Variants in PDE4DIP observed in about 807,000 individuals in gnomAD.
PDE4DIP encodes the protein myomegalin.
PDE4DIP carries 59 observed loss-of-function variants against 221.4 expected under a neutral mutation model. The observed-to-expected ratio is 0.27, with a 90% CI of 0.22 to 0.33. The LOEUF (loss-of-function observed/expected upper bound fraction) is 0.33. Among genes scored for constraint, PDE4DIP ranks in the 10% least tolerant of loss-of-function variants. The pLI is 1.00. For synonymous variants in PDE4DIP, 404 were observed against 815.9 expected (o/e 0.50, Z 8.60); for missense variants, 1,036 against 2,154.2 (o/e 0.48, Z 10.28).
At chr1:148,893,065 CTGTGTGTGTGTGTGTG>C (rs60364665) in intron 1 of PDE4DIP, among the ~76,000 whole-genome samples, 3 of 77,734 alleles carry the variant, frequency 3.9e-5, no homozygotes, top group African/African-American at 1.2e-4. Flanking sequence ...ATGTGTGTGT[CTGTGTGTGTGTGTGTG>C]TGTGTGTGTG....
chr1:148,944,741 C>T (rs587747777), intron 5 of PDE4DIP, among the ~76,000 whole-genome samples: 26 of 151,572 alleles, frequency 1.7e-4, no homozygotes, highest in South Asian at 1.0e-3. Flanking sequence ...TGTGGTGACG[C>T]GTGCCTGTAA....
At chr1:148,984,761 CT>C (rs1391669679) in intron 21 of PDE4DIP, 1 of 152,106 alleles carries the variant, frequency 6.6e-6, no homozygotes, top group Non-Finnish European at 1.5e-5. Context: ...CCTAAAGTCA[CT>C]TTCCTTTGGA....
At chr1:148,983,654 G>A (rs1574851138) in intron 21 of PDE4DIP, 1 of 152,330 alleles carries the variant, frequency 6.6e-6, no homozygotes, top group Admixed American at 6.6e-5. Flanking sequence ...ATAATATTTA[G>A]CATGATATAA....
intron 35 of PDE4DIP, among the ~76,000 whole-genome samples, chr1:149,019,926 G>C (rs1199883619): frequency 6.6e-6 from 1 of 152,042 alleles, no homozygotes; most frequent in Non-Finnish European, 1.5e-5. Context: ...TAAGAGCAAG[G>C]TAGGACAGAT....
At chr1:149,005,483 A>T in intron 27 of PDE4DIP, 46 bp downstream of exon 30, 4 of 1,318,176 alleles carry the variant, frequency 3.0e-6, no homozygotes, top group Non-Finnish European at 4.2e-6. Flanking sequence ...AAAATGTGTA[A>T]GTTCATGCTT....
intron 1 of PDE4DIP, among the ~76,000 whole-genome samples, chr1:148,815,242 G>C (rs1175793262): frequency 1.5e-5 from 2 of 130,898 alleles, no homozygotes; most frequent in Non-Finnish European, 3.3e-5. Context: ...GACCATCATT[G>C]CATAAATGAA....
chr1:148,911,982 A>C (rs616359), intron 1 of PDE4DIP, among the ~76,000 whole-genome samples: 1 of 144,492 alleles, frequency 6.9e-6, no homozygotes, highest in Non-Finnish European at 1.5e-5. Flanking sequence ...TTGGTTAGAA[A>C]TAAGTCGCAG....
At chr1:148,987,575 T>G (rs1553551419) in intron 21 of PDE4DIP, among the ~76,000 whole-genome samples, 1 of 152,212 alleles carries the variant, frequency 6.6e-6, no homozygotes, top group Non-Finnish European at 1.5e-5. Flanking sequence ...AACTTATTCA[T>G]GCTTAAAGTT....
chr1:149,005,383 A>C (rs1553595529), exon 27 of PDE4DIP: 1 of 1,612,630 alleles, frequency 6.2e-7, no homozygotes, highest in Admixed American at 1.7e-5. Context: ...CAGCTCCCAA[A>C]AAATGGACTA....
At chr1:148,917,105 G>A (rs2044261309) in intron 1 of PDE4DIP, among the ~76,000 whole-genome samples, 1 of 149,158 alleles carries the variant, frequency 6.7e-6, no homozygotes, top group Non-Finnish European at 1.5e-5. Flanking sequence ...GGAATGTCCT[G>A]GGGAGGGGAG....
intron 43 of PDE4DIP, 113 bp downstream of exon 46, chr1:149,030,391 C>G: frequency 6.5e-7 from 1 of 1,527,112 alleles, no homozygotes; most frequent in Non-Finnish European, 8.8e-7. Flanking sequence ...CAGGAGAAGA[C>G]TTGGGGTCCA....
chr1:148,987,494 C>G (rs1559164352), intron 21 of PDE4DIP, among the ~76,000 whole-genome samples: 1 of 152,126 alleles, frequency 6.6e-6, no homozygotes, highest in Non-Finnish European at 1.5e-5. Context: ...ACCTGGGAGT[C>G]AGAGTGAAAT....
intron 9 of PDE4DIP, among the ~76,000 whole-genome samples, chr1:148,963,268 A>G (rs2057370649): frequency 1.3e-5 from 2 of 152,218 alleles, no homozygotes; most frequent in South Asian, 4.1e-4. Flanking sequence ...ATGCACAGGA[A>G]AAAACAGTAT....
intron 5 of PDE4DIP, among the ~76,000 whole-genome samples, chr1:148,944,783 A>G (rs2051246943): frequency 6.6e-6 from 1 of 152,154 alleles, no homozygotes; most frequent in African/African-American, 2.4e-5. Context: ...AGGCAGGAGA[A>G]TTGCTTGAAC....
chr1:149,017,488 G>A (rs111743045), intron 33 of PDE4DIP: 15 of 374,920 alleles, frequency 4.0e-5, no homozygotes, highest in African/African-American at 2.1e-4. Flanking sequence ...TTTCTAAAAC[G>A]TGGAACTCTC....
chr1:148,919,665 T>G (rs1254164244), intron 1 of PDE4DIP, among the ~76,000 whole-genome samples: 3 of 151,886 alleles, frequency 2.0e-5, no homozygotes, highest in African/African-American at 4.9e-5. Flanking sequence ...CTAGAAGAGA[T>G]AAGATTCTAA....
At chr1:148,933,241 C>T (rs1453141709) in intron 4 of PDE4DIP, among the ~76,000 whole-genome samples, 1 of 151,558 alleles carries the variant, frequency 6.6e-6, no homozygotes, top group African/African-American at 2.4e-5. Context: ...ATATTCTATG[C>T]AGAAGGAGAA....
chr1:148,989,558 T>C (rs1316067625), intron 21 of PDE4DIP, among the ~76,000 whole-genome samples: 2 of 152,224 alleles, frequency 1.3e-5, no homozygotes, highest in Non-Finnish European at 2.9e-5. Context: ...TTCTGGAACC[T>C]GGCAGGAATG....
chr1:149,001,098 A>T (rs1250034807), intron 23 of PDE4DIP, among the ~76,000 whole-genome samples: 2 of 152,292 alleles, frequency 1.3e-5, no homozygotes, highest in South Asian at 4.1e-4. Context: ...GCAAACAATT[A>T]TCTAAGTACA....
Sources: allele counts gnomAD v4.1 joint callset (sites outside exome capture counted in the v4.1 genomes callset), GRCh38; gene constraint gnomAD v4.1.1; transcripts MANE v1.5; gene names NCBI Gene and HGNC (gene_info 2026-07-23, HGNC 2026-07-21).